CEP112: variants seen among roughly 807,000 people sequenced by gnomAD.
The protein encoded by CEP112 is centrosomal protein of 112 kDa.
In CEP112, 127 loss-of-function variants were observed where a neutral mutation model predicts 153.0. The observed-to-expected ratio is 0.83, with a 90% CI of 0.72 to 0.96. The LOEUF is 0.96. CEP112 is among the 40% of genes least tolerant of loss of function. CEP112 has a pLI of 0.00. For synonymous variants in CEP112, 358 were observed against 374.4 expected, an observed-to-expected ratio of 0.96 and a Z score of 0.51; for missense variants, 1,089 against 1,101.2, an observed-to-expected ratio of 0.99 and a Z score of 0.16.
At chr17:65,795,643 C>T (rs2054868280) in intron 21 of CEP112, among the ~76,000 whole-genome samples, 1 of 152,030 alleles carries the variant, frequency 6.6e-6, no homozygotes, top group Admixed American at 6.6e-5. Flanking sequence ...AAAACCTCTT[C>T]CCTACCAAAA....
chr17:65,936,961 G>C (rs1020047990), intron 18 of CEP112, among the ~76,000 whole-genome samples: 1 of 151,044 alleles, frequency 6.6e-6, no homozygotes, highest in Admixed American at 6.6e-5. Context: ...GATTGCAGGC[G>C]CACGTCACCA....
Position 65,937,683 on chromosome 17 carries a change from G to A in CEP112, c.1873-9994C>T, listed in dbSNP as rs1469507083. Among the ~76,000 whole-genome samples, 3 of 96,422 alleles carry A rather than the reference G, an allele frequency of 3.1e-5. 1 individual carries two copies. The highest frequency in any genetic ancestry group is 7.1e-5 in the African/African-American group (2 of 28,184). 63.3% of individuals were successfully genotyped at this position (96,422 alleles called of 152,430 possible). A position where few individuals can be genotyped will look rare whatever the true frequency, so the allele number is the denominator to read the frequency against. The stretch of plus-strand genomic sequence containing the variant: ...AGGTGAGGGGCGCCTCTGCCCGGCC[G>A]CCCCTACTGGGAAGTGAGGAGCCCC... On this transcript the variant is annotated intron_variant, in intron 18 of 26. Transcript: ENST00000535342.
At position 66,071,157 on chromosome 17, in the gene CEP112, C is replaced by A. The variant is rs2067295506; in HGVS notation, c.769-1156G>T. On this transcript the variant is annotated intron_variant, in intron 8 of 26. Transcript: ENST00000535342. ...TACAAAATAAATTTAGCAAGATAAACATATATATCATATTAACATATCAAA... is the reference window on the plus strand; with the variant it reads ...TACAAAATAAATTTAGCAAGATAAAAATATATATCATATTAACATATCAAA... Among the ~76,000 whole-genome samples the A allele has an allele frequency of 2.0e-5, 3 of 151,988 alleles. 1 individual carries two copies. The highest frequency in any genetic ancestry group is 2.0e-4 in the Admixed American group (3 of 15,250).
At chr17:66,173,570 C>A (rs977252221) in intron 4 of CEP112, among the ~76,000 whole-genome samples, 1 of 152,136 alleles carries the variant, frequency 6.6e-6, no homozygotes, top group African/African-American at 2.4e-5. Context: ...AGAAAGAAAC[C>A]CAGAATTTAG....
intron 18 of CEP112, among the ~76,000 whole-genome samples, chr17:65,947,990 T>C (rs1599111282): frequency 6.6e-6 from 1 of 152,224 alleles, no homozygotes; most frequent in Admixed American, 6.5e-5. Flanking sequence ...TGACTGGTTT[T>C]GTTCTTTAAG....
chr17:65,702,446 G>A (rs2048689443), intron 23 of CEP112, among the ~76,000 whole-genome samples: 2 of 152,154 alleles, frequency 1.3e-5, no homozygotes, highest in Non-Finnish European at 2.9e-5. Flanking sequence ...ATTTTCCACA[G>A]TTTCAGTTAC....
chr17:65,836,158 A>G (rs1216967402), intron 21 of CEP112, among the ~76,000 whole-genome samples: 1 of 152,248 alleles, frequency 6.6e-6, no homozygotes, highest in Non-Finnish European at 1.5e-5. Flanking sequence ...CACTAAAAAT[A>G]GCATAGAATC....
chr17:65,938,279 G>C (rs2061411476), intron 18 of CEP112, among the ~76,000 whole-genome samples: 1 of 141,948 alleles, frequency 7.0e-6, no homozygotes, highest in Non-Finnish European at 1.5e-5. Flanking sequence ...CACAAACACT[G>C]CGAAAGCCCG....
At chr17:66,048,216 A>G (rs1356531) in intron 12 of CEP112, among the ~76,000 whole-genome samples, 62,467 of 152,010 alleles carry the variant, frequency 0.41, 14,308 homozygotes, top group East Asian at 0.87. Flanking sequence ...CAGAATGGCC[A>G]AGACTCTTCT....
intron 8 of CEP112, among the ~76,000 whole-genome samples, chr17:66,081,642 C>T (rs904747924): frequency 4.7e-5 from 7 of 149,622 alleles, no homozygotes; most frequent in African/African-American, 1.5e-4. Context: ...TAATTCCAAG[C>T]GCAGTGGCTC....
intron 21 of CEP112, among the ~76,000 whole-genome samples, chr17:65,850,810 A>G (rs2057903649): frequency 6.6e-6 from 1 of 152,018 alleles, no homozygotes; most frequent in South Asian, 2.1e-4. Context: ...TCATTTCCAG[A>G]CACACCACTT....
chr17:65,904,190 T>C (rs1165897130), intron 19 of CEP112, among the ~76,000 whole-genome samples: 1 of 152,222 alleles, frequency 6.6e-6, no homozygotes, highest in African/African-American at 2.4e-5. Flanking sequence ...CATGATTGTA[T>C]ATTTGGAAAA....
intron 24 of CEP112, among the ~76,000 whole-genome samples, chr17:65,645,529 AT>A (rs1367425731): frequency 6.6e-6 from 1 of 151,744 alleles, no homozygotes; most frequent in East Asian, 1.9e-4. Flanking sequence ...TTTGTCTACC[AT>A]TTTTCCTAAG....
At chr17:65,920,342 G>A (rs1220715744) in intron 19 of CEP112, among the ~76,000 whole-genome samples, 2 of 87,824 alleles carry the variant, frequency 2.3e-5, no homozygotes, top group Non-Finnish European at 4.4e-5. Flanking sequence ...CCAGGACTCT[G>A]TCTAAAAACA....
intron 4 of CEP112, among the ~76,000 whole-genome samples, chr17:66,138,927 A>G (rs955914054): frequency 2.0e-5 from 3 of 152,124 alleles, no homozygotes; most frequent in African/African-American, 7.2e-5. Flanking sequence ...AAACATCTTG[A>G]GACAAATGAA....
intron 16 of CEP112, among the ~76,000 whole-genome samples, chr17:66,026,205 T>C (rs1219602300): frequency 1.3e-5 from 2 of 152,094 alleles, no homozygotes; most frequent in Admixed American, 6.6e-5. Context: ...ATGGTTACAC[T>C]AAAAGCCCAG....
chr17:65,706,348 A>G (rs570543902), intron 23 of CEP112, among the ~76,000 whole-genome samples: 120 of 152,158 alleles, frequency 7.9e-4, no homozygotes, highest in Non-Finnish European at 1.4e-3. Flanking sequence ...TGCTCAGGAC[A>G]CCCTGGTGCA....
chr17:65,722,537 C>A (rs2049946651), intron 23 of CEP112, among the ~76,000 whole-genome samples: 1 of 152,218 alleles, frequency 6.6e-6, no homozygotes, highest in African/African-American at 2.4e-5. Flanking sequence ...GCGTGACCCA[C>A]CATGCCTGGC....
rs1401448925 is a variant in CEP112, at chr17:66,096,265, T to G, written c.754A>C (p.Ile252Leu). 1 of 1,611,698 alleles carries G rather than the reference T, an allele frequency of 6.2e-7. No individual in the cohort carries two copies. The highest frequency in any genetic ancestry group is 8.5e-7 in the Non-Finnish European group (1 of 1,178,250). Residue 252 changes from isoleucine to leucine, a missense_variant, in exon 8 of 27, where the codon ATA becomes CTA. By Grantham distance (5) the Ile-to-Leu change is conservative (BLOSUM62 2). Coordinates refer to ENST00000535342, the MANE Select transcript of CEP112 (RefSeq NM_001199165.4). ...CTCATTCCTACCTCTTTCTCACGTA[T>G]TCGAGAGAGAAAATGATCATCATGG... ...SFHDDHFLSR[I>L]REKELDMKTK...
Sources: gnomAD v4.1 joint callset for allele counts (sites outside exome capture counted in the v4.1 genomes callset) on GRCh38, gnomAD v4.1.1 for gene constraint, MANE v1.5 for transcripts, NCBI Gene and HGNC (gene_info 2026-07-23, HGNC 2026-07-21) for gene names.